The following PKNOX2 variants were observed in gnomAD, a reference collection of about 807,000 sequenced individuals.
PKNOX2 encodes the protein homeobox protein PKNOX2.
A neutral mutation model predicts 53.1 loss-of-function variants in PKNOX2; 14 were observed. The observed-to-expected ratio is 0.26, with a 90% CI of 0.17 to 0.41. The LOEUF (loss-of-function observed/expected upper bound fraction) is 0.41. Ranked by LOEUF, PKNOX2 falls within the 10% of genes least tolerant of loss-of-function variation. The pLI is 1.00. For missense variants in PKNOX2, 496 were observed against 602.8 expected (o/e 0.82, Z 1.85); for synonymous variants, 257 against 242.8 (o/e 1.06, Z -0.54).
chr11:125,290,435 CT>C (rs1462211864), intron 2 of PKNOX2, among the ~76,000 whole-genome samples: 5 of 152,136 alleles, frequency 3.3e-5, no homozygotes, highest in African/African-American at 9.7e-5. Context: ...TTTTTTACAT[CT>C]GAATCAGAGT....
intron 1 of PKNOX2, among the ~76,000 whole-genome samples, chr11:125,175,531 T>C (rs1955653784): frequency 1.3e-5 from 2 of 152,224 alleles, no homozygotes; most frequent in Admixed American, 1.3e-4. Flanking sequence ...GAGGCTCCTT[T>C]GCTATGTGGT....
At chr11:125,304,025 G>C (rs994121974) in intron 2 of PKNOX2, among the ~76,000 whole-genome samples, 3 of 152,226 alleles carry the variant, frequency 2.0e-5, no homozygotes, top group African/African-American at 7.2e-5. Flanking sequence ...GGAATGCAGG[G>C]ATGTTGTTGG....
intron 4 of PKNOX2, among the ~76,000 whole-genome samples, chr11:125,366,461 C>T (rs1173145229): frequency 6.6e-6 from 1 of 152,192 alleles, no homozygotes; most frequent in East Asian, 1.9e-4. Flanking sequence ...CCTACTAGTG[C>T]CAGGCTATTC....
intron 2 of PKNOX2, among the ~76,000 whole-genome samples, chr11:125,236,717 G>A (rs1305673710): frequency 2.6e-5 from 4 of 152,174 alleles, no homozygotes; most frequent in Non-Finnish European, 2.9e-5. Context: ...CTTTCAGGGA[G>A]TGTTTACCAG....
intron 2 of PKNOX2, among the ~76,000 whole-genome samples, chr11:125,271,182 G>T (rs2135791089): frequency 6.6e-6 from 1 of 152,278 alleles, no homozygotes; most frequent in South Asian, 2.1e-4. Context: ...ATTCTACCCA[G>T]ACTCTAGTAT....
intron 4 of PKNOX2, among the ~76,000 whole-genome samples, chr11:125,366,402 A>G (rs575455869): frequency 3.8e-4 from 58 of 152,206 alleles, no homozygotes; most frequent in Non-Finnish European, 7.6e-4. Flanking sequence ...AACCTCATTC[A>G]CCACCCATCA....
At chr11:125,247,999 CCTGCCA>C (rs1474195604) in intron 2 of PKNOX2, among the ~76,000 whole-genome samples, 1 of 152,174 alleles carries the variant, frequency 6.6e-6, no homozygotes, top group Non-Finnish European at 1.5e-5. Context: ...GCCTGAACCT[CCTGCCA>C]CTGACCATCC....
intron 10 of PKNOX2, 99 bp downstream of exon 10, chr11:125,411,964 C>G (rs1250846351): frequency 1.1e-5 from 17 of 1,559,754 alleles, no homozygotes; most frequent in African/African-American, 1.4e-5. Flanking sequence ...AACCCACAGA[C>G]AGAGGGCGCG....
chr11:125,351,486 C>T (rs569208645), intron 4 of PKNOX2, 94 bp downstream of exon 4: 18 of 802,932 alleles, frequency 2.2e-5, no homozygotes, highest in Admixed American at 4.6e-5. Flanking sequence ...CAGGGGCCGA[C>T]GGGCAGAGCC....
chr11:125,189,615 T>C (rs1346736364), intron 1 of PKNOX2, among the ~76,000 whole-genome samples: 1 of 151,302 alleles, frequency 6.6e-6, no homozygotes, highest in Non-Finnish European at 1.5e-5. Flanking sequence ...ATAATTTAGA[T>C]AAGATGCAGG....
chr11:125,242,393 C>T (rs904341208), intron 2 of PKNOX2, among the ~76,000 whole-genome samples: 13 of 152,172 alleles, frequency 8.5e-5, no homozygotes, highest in African/African-American at 2.2e-4. Context: ...GAAGCTAAGC[C>T]GCTCTGGGAG....
intron 1 of PKNOX2, among the ~76,000 whole-genome samples, chr11:125,189,371 A>ATATATATATATGTGTGTGTATATATATG (rs1956648303): frequency 1.3e-5 from 1 of 79,696 alleles, no homozygotes; most frequent in Non-Finnish European, 2.6e-5. Flanking sequence ...ATATATATGT[A>ATATATATATATGTGTGTGTATATATATG]TATATATATA....
intron 1 of PKNOX2, among the ~76,000 whole-genome samples, chr11:125,202,301 C>T (rs987196475): frequency 2.2e-4 from 34 of 152,286 alleles, no homozygotes; most frequent in African/African-American, 7.7e-4. Flanking sequence ...CTTGCCCTGC[C>T]CCCTGCACCC....
chr11:125,351,452 C>T (rs902175050), intron 4 of PKNOX2, 60 bp downstream of exon 4: 15 of 1,116,690 alleles, frequency 1.3e-5, no homozygotes, highest in Non-Finnish European at 1.7e-5. Context: ...GGCCTTAGAG[C>T]CCCAGCTGCA....
chr11:125,334,479 T>G (rs1950324325), intron 3 of PKNOX2, among the ~76,000 whole-genome samples: 1 of 152,170 alleles, frequency 6.6e-6, no homozygotes, highest in Admixed American at 6.5e-5. Context: ...AGTCCTCTGG[T>G]TCCTTGAGGA....
intron 3 of PKNOX2, among the ~76,000 whole-genome samples, chr11:125,344,988 C>T (rs1381005423): frequency 6.6e-6 from 1 of 152,160 alleles, no homozygotes; most frequent in Non-Finnish European, 1.5e-5. Flanking sequence ...CTCCCTGGCT[C>T]CCAGGCCCCA....
chr11:125,314,068 C>T (rs974350199), intron 2 of PKNOX2, among the ~76,000 whole-genome samples: 1 of 152,106 alleles, frequency 6.6e-6, no homozygotes, highest in African/African-American at 2.4e-5. Flanking sequence ...CCTGGGCTGC[C>T]GTAGGAGCAT....
Position 125,382,300 on chromosome 11 carries a change from G to A in PKNOX2, c.228-3251G>A, listed in dbSNP as rs539832312. ...TCATTGACAGCCTGCATATAACCTTGGTGCACACACATGCATATGCACGCG... is the reference window on the plus strand; with the variant it reads ...TCATTGACAGCCTGCATATAACCTTAGTGCACACACATGCATATGCACGCG... On this transcript the variant is annotated intron_variant, in intron 5 of 12. Coordinates refer to ENST00000298282, the MANE Select transcript of PKNOX2 (RefSeq NM_001382323.2). 4.6e-5 allele frequency among the ~76,000 whole-genome samples: 7 copies of A among 152,224 alleles called. No homozygotes were observed. The East Asian group carries it at 1.4e-3, about 29-fold the overall frequency.
chr11:125,217,373 T>A (rs190007608), intron 1 of PKNOX2, among the ~76,000 whole-genome samples: 4 of 152,324 alleles, frequency 2.6e-5, no homozygotes, highest in African/African-American at 9.6e-5. Flanking sequence ...GGAAAAGAAC[T>A]CAGGCAGGAG....
Sources: gnomAD v4.1 joint callset for allele counts (sites outside exome capture counted in the v4.1 genomes callset) on GRCh38, gnomAD v4.1.1 for gene constraint, MANE v1.5 for transcripts, NCBI Gene and HGNC (gene_info 2026-07-23, HGNC 2026-07-21) for gene names.